Variants in ATP2B4 observed in about 807,000 individuals in gnomAD.
ATP2B4 encodes ATPase plasma membrane Ca2+ transporting 4, also known as plasma membrane calcium-transporting ATPase 4.
In ATP2B4, 39 loss-of-function variants were observed where a neutral mutation model predicts 110.3. The observed-to-expected ratio is 0.35, with a 90% CI of 0.27 to 0.46. The LOEUF (loss-of-function observed/expected upper bound fraction) is 0.46. ATP2B4 is among the 20% of genes least tolerant of loss of function. ATP2B4 has a pLI of 1.00. For synonymous variants in ATP2B4, 538 were observed against 571.7 expected (o/e 0.94, Z 0.84); for missense variants, 1,135 against 1,530.9 (o/e 0.74, Z 4.32).
chr1:203,676,243 C>A (rs972180558), intron 1 of ATP2B4, among the ~76,000 whole-genome samples: 2 of 152,184 alleles, frequency 1.3e-5, no homozygotes, highest in Non-Finnish European at 2.9e-5. Context: ...GGCATGTGCT[C>A]TAGTCTGCTT....
intron 1 of ATP2B4, among the ~76,000 whole-genome samples, chr1:203,667,993 C>T (rs989521285): frequency 6.6e-6 from 1 of 152,200 alleles, no homozygotes; most frequent in Non-Finnish European, 1.5e-5. Flanking sequence ...TCTGCAGAAA[C>T]AAATAGCATG....
chr1:203,662,157 G>A (rs2102333403), intron 1 of ATP2B4, among the ~76,000 whole-genome samples: 1 of 152,026 alleles, frequency 6.6e-6, no homozygotes, highest in East Asian at 1.9e-4. Context: ...CCGAGTAGCT[G>A]GGACTGCAGG....
intron 1 of ATP2B4, among the ~76,000 whole-genome samples, chr1:203,665,819 G>A (rs542263442): frequency 7.5e-6 from 1 of 133,340 alleles, no homozygotes; most frequent in East Asian, 2.2e-4. Flanking sequence ...AAAAAAAATT[G>A]TGTAGCCTTT....
intron 1 of ATP2B4, among the ~76,000 whole-genome samples, chr1:203,627,600 G>A (rs1160203432): frequency 6.6e-6 from 1 of 150,766 alleles, no homozygotes; most frequent in Admixed American, 6.6e-5. Flanking sequence ...TTGGGAATGA[G>A]ACGCAGGATG....
intron 1 of ATP2B4, among the ~76,000 whole-genome samples, chr1:203,651,399 G>T (rs1342163834): frequency 6.6e-6 from 1 of 151,810 alleles, no homozygotes; most frequent in Non-Finnish European, 1.5e-5. Context: ...TTAACCTAAT[G>T]AACACACTTG....
intron 20 of ATP2B4, among the ~76,000 whole-genome samples, 191 bp from the exon 21 acceptor site, chr1:203,739,355 G>C (rs1339523886): frequency 6.6e-6 from 1 of 151,856 alleles, no homozygotes; most frequent in East Asian, 1.9e-4. Context: ...CCACCCCACT[G>C]CTTGAAAGTT....
rs116696923 is a variant in ATP2B4, at chr1:203,650,079, G to T, written c.-465+22860G>T. On this transcript the variant is annotated intron_variant, in intron 1 of 20. Coordinates refer to ENST00000357681, the MANE Select transcript of ATP2B4 (RefSeq NM_001684.5). ...GTGATGTAAACGGAGTGGCTTTCAC[G>T]CACACATCCCAGAACCAGCCCAGTT... Among the ~76,000 whole-genome samples the T allele has an allele frequency of 6.7e-3, 1,013 of 152,312 alleles. 14 individuals are homozygous for T. The highest frequency in any genetic ancestry group is 0.024 in the African/African-American group (989 of 41,568).
chr1:203,672,035 G>A (rs1282193182), intron 1 of ATP2B4, among the ~76,000 whole-genome samples: 1 of 152,234 alleles, frequency 6.6e-6, no homozygotes, highest in Non-Finnish European at 1.5e-5. Context: ...GGGGAGGGAG[G>A]AGTGCTGCTG....
intron 8 of ATP2B4, among the ~76,000 whole-genome samples, chr1:203,706,530 G>T (rs1665853836): frequency 6.6e-6 from 1 of 152,206 alleles, no homozygotes; most frequent in African/African-American, 2.4e-5. Context: ...TAGAGGCATT[G>T]TTGTAAACAA....
chr1:203,741,813 A>T lies in ATP2B4; in HGVS notation c.*1959A>T, dbSNP rs957791447. On this transcript the variant is annotated 3_prime_UTR_variant, in exon 21 of 21. Transcript: ENST00000357681. ...ATTCTTTTTTGTGTCTTAAATACTCATAGGGGAAAAAAACAGCTCACCCAA... is the reference window on the plus strand; with the variant it reads ...ATTCTTTTTTGTGTCTTAAATACTCTTAGGGGAAAAAAACAGCTCACCCAA... The T allele has an allele frequency of 2.6e-5, 4 of 152,638 alleles. No homozygotes were observed. Among genetic ancestry groups the T allele is most frequent in the Non-Finnish European group, 5.9e-5 (4 of 68,034 alleles). 9.5% of individuals were successfully genotyped at this position (152,638 alleles called of 1,614,324 possible).
At chr1:203,633,741 A>AATAAATAAATAG (rs1381677106) in intron 1 of ATP2B4, among the ~76,000 whole-genome samples, 10 of 151,696 alleles carry the variant, frequency 6.6e-5, no homozygotes, top group Non-Finnish European at 1.3e-4. Context: ...TAAATAAATA[A>AATAAATAAATAG]ATAAAGTAAA....
At chr1:203,673,738 G>C (rs1664743585) in intron 1 of ATP2B4, among the ~76,000 whole-genome samples, 1 of 152,104 alleles carries the variant, frequency 6.6e-6, no homozygotes, top group Non-Finnish European at 1.5e-5. Context: ...TGAGCGTCTG[G>C]GGACAGAGCA....
chr1:203,669,491 C>T (rs1255001505), intron 1 of ATP2B4, among the ~76,000 whole-genome samples: 7 of 152,068 alleles, frequency 4.6e-5, no homozygotes, highest in Non-Finnish European at 8.8e-5. Flanking sequence ...GGCTGGAGTG[C>T]GATGGCGTGA....
At chr1:203,703,945 G>A in intron 8 of ATP2B4, 132 bp downstream of exon 8, 1 of 1,193,210 alleles carries the variant, frequency 8.4e-7, no homozygotes, top group South Asian at 1.7e-5. Context: ...GTTGGGGCTA[G>A]GCGGCTGTTT....
chr1:203,706,729 G>A (rs534689658), intron 8 of ATP2B4, among the ~76,000 whole-genome samples: 12 of 152,302 alleles, frequency 7.9e-5, no homozygotes, highest in Admixed American at 3.3e-4. Flanking sequence ...TTTGATCTAG[G>A]AAACAGGCCC....
chr1:203,708,323 A>G (rs1333373998), intron 10 of ATP2B4, among the ~76,000 whole-genome samples: 1 of 152,208 alleles, frequency 6.6e-6, no homozygotes, highest in African/African-American at 2.4e-5. Flanking sequence ...TGGCCAGGAA[A>G]TACCCTCCCA....
At chr1:203,642,232 C>G (rs376525488) in intron 1 of ATP2B4, among the ~76,000 whole-genome samples, 6 of 152,120 alleles carry the variant, frequency 3.9e-5, no homozygotes, top group African/African-American at 9.7e-5. Flanking sequence ...CAGGTGTGCA[C>G]CACCACACCC....
intron 1 of ATP2B4, among the ~76,000 whole-genome samples, chr1:203,650,731 G>T (rs1243390350): frequency 1.3e-5 from 2 of 152,314 alleles, no homozygotes; most frequent in South Asian, 2.1e-4. Context: ...TCAGCATGCC[G>T]GCTGCGGAAG....
rs59213549 is a variant in ATP2B4 at position 203,691,485 on chromosome 1, T to A, written c.194-6672T>A. 6.0e-3 allele frequency among the ~76,000 whole-genome samples: 916 copies of A among 152,240 alleles called. 8 individuals carry two copies. Among genetic ancestry groups the A allele is most frequent in the African/African-American group, 0.021 (868 of 41,536 alleles). On this transcript the variant is annotated intron_variant, in intron 2 of 20. Coordinates refer to ENST00000357681, the MANE Select transcript of ATP2B4 (RefSeq NM_001684.5). Reference sequence around the variant, plus strand: ...CTAGAGAGCTCTAGGGAGACTTTTTTCCCTGGGCCACAGTTGCTGTTTTCA... The same window carrying A: ...CTAGAGAGCTCTAGGGAGACTTTTTACCCTGGGCCACAGTTGCTGTTTTCA...
Sources: allele counts gnomAD v4.1 joint callset (sites outside exome capture counted in the v4.1 genomes callset), GRCh38; gene constraint gnomAD v4.1.1; transcripts MANE v1.5; gene names NCBI Gene and HGNC (gene_info 2026-07-23, HGNC 2026-07-21).